The following NRXN3 variants were observed in gnomAD, a reference collection of about 807,000 sequenced individuals.
NRXN3 encodes neurexin III.
A neutral mutation model predicts 137.6 loss-of-function variants in NRXN3; 32 were observed. The ratio of observed to expected loss-of-function variants is 0.23; its 90% CI spans 0.18 to 0.31. The LOEUF (loss-of-function observed/expected upper bound fraction) is 0.31, where lower values mean the gene tolerates loss of function less well. NRXN3 is among the 10% of genes least tolerant of loss of function. NRXN3 has a pLI of 1.00. For missense variants in NRXN3, 1,574 were observed against 2,062.5 expected, an observed-to-expected ratio of 0.76 and a Z score of 4.59; for synonymous variants, 798 against 784.5, an observed-to-expected ratio of 1.02 and a Z score of -0.29.
intron 20 of NRXN3, among the ~76,000 whole-genome samples, chr14:79,811,093 T>C (rs995246949): frequency 1.8e-4 from 27 of 152,214 alleles, no homozygotes; most frequent in Non-Finnish European, 2.9e-4. Context: ...TGTTAAAATT[T>C]CATTAGTCAA....
chr14:78,254,772 C>G (rs2069248108), intron 2 of NRXN3, among the ~76,000 whole-genome samples: 1 of 151,872 alleles, frequency 6.6e-6, no homozygotes, highest in African/African-American at 2.4e-5. Context: ...ATCATGGTAG[C>G]CAGAGTCAGA....
chr14:79,759,660 A>G (rs2099031709), intron 19 of NRXN3, among the ~76,000 whole-genome samples: 1 of 151,664 alleles, frequency 6.6e-6, no homozygotes, highest in Non-Finnish European at 1.5e-5. Context: ...TTAAACTGTT[A>G]CTTCAAAGCA....
At chr14:79,101,037 GAAAGCAAGTAC>G (rs2051190968) in intron 15 of NRXN3, among the ~76,000 whole-genome samples, 1 of 152,132 alleles carries the variant, frequency 6.6e-6, no homozygotes, top group Non-Finnish European at 1.5e-5. Context: ...GGGCAGATAA[GAAAGCAAGTAC>G]AAAGCAAACT....
At chr14:79,651,995 G>A (rs2098478546) in intron 16 of NRXN3, among the ~76,000 whole-genome samples, 1 of 152,164 alleles carries the variant, frequency 6.6e-6, no homozygotes, top group Non-Finnish European at 1.5e-5. Context: ...TGAAGACTCA[G>A]GATTCCACTG....
intron 4 of NRXN3, among the ~76,000 whole-genome samples, chr14:78,542,766 G>A (rs951000746): frequency 6.6e-6 from 1 of 152,164 alleles, no homozygotes; most frequent in Non-Finnish European, 1.5e-5. Flanking sequence ...CCCATCTTCT[G>A]CATCGATCAC....
At chr14:79,785,691 C>G (rs1441026174) in intron 19 of NRXN3, among the ~76,000 whole-genome samples, 3 of 152,086 alleles carry the variant, frequency 2.0e-5, no homozygotes. Flanking sequence ...TGGGCCACTT[C>G]ATATGGCTTT....
intron 15 of NRXN3, among the ~76,000 whole-genome samples, chr14:79,422,036 T>C (rs2153534438): frequency 6.6e-6 from 1 of 152,218 alleles, no homozygotes; most frequent in South Asian, 2.1e-4. Flanking sequence ...AAGTTACATG[T>C]AGAGTGAGGA....
intron 16 of NRXN3, among the ~76,000 whole-genome samples, chr14:79,526,699 C>G (rs1453079878): frequency 6.6e-6 from 1 of 152,100 alleles, no homozygotes; most frequent in Non-Finnish European, 1.5e-5. Context: ...AGAGTTTAGA[C>G]TCTAATGAGG....
intron 15 of NRXN3, among the ~76,000 whole-genome samples, chr14:79,371,251 T>C (rs2094100612): frequency 6.6e-6 from 1 of 152,150 alleles, no homozygotes; most frequent in Non-Finnish European, 1.5e-5. Context: ...TTGTAAGGAA[T>C]AAATTACTAA....
chr14:78,340,588 C>G (rs1316124619), intron 4 of NRXN3, among the ~76,000 whole-genome samples: 1 of 152,106 alleles, frequency 6.6e-6, no homozygotes. Context: ...CCTTGGTTCT[C>G]CTCCATGTGG....
intron 4 of NRXN3, among the ~76,000 whole-genome samples, chr14:78,523,098 C>A (rs916192178): frequency 6.6e-6 from 1 of 152,184 alleles, no homozygotes; most frequent in Non-Finnish European, 1.5e-5. Flanking sequence ...TAATCACATA[C>A]CATGACAATA....
chr14:79,368,097 A>T (rs2093962417), intron 15 of NRXN3, among the ~76,000 whole-genome samples: 1 of 152,152 alleles, frequency 6.6e-6, no homozygotes, highest in Admixed American at 6.5e-5. Flanking sequence ...CATGATACTG[A>T]CTTTGTCAAT....
chr14:79,548,760 A>C (rs200370795), intron 16 of NRXN3, among the ~76,000 whole-genome samples: 1 of 149,808 alleles, frequency 6.7e-6, no homozygotes, highest in Non-Finnish European at 1.5e-5. Flanking sequence ...AAAAAAAAAA[A>C]ACAAAAAAAA....
intron 16 of NRXN3, among the ~76,000 whole-genome samples, chr14:79,640,200 A>G (rs2098425586): frequency 7.4e-6 from 1 of 135,680 alleles, no homozygotes; most frequent in Non-Finnish European, 1.7e-5. Context: ...CAATAAATCC[A>G]GTTGTGGGGT....
intron 6 of NRXN3, among the ~76,000 whole-genome samples, chr14:78,655,044 T>C (rs555887260): frequency 5.9e-5 from 9 of 152,204 alleles, no homozygotes; most frequent in African/African-American, 2.2e-4. Flanking sequence ...AGTTCCTCTA[T>C]GAAAAATGGG....
intron 16 of NRXN3, among the ~76,000 whole-genome samples, chr14:79,626,021 A>G (rs2098278257): frequency 6.6e-6 from 1 of 152,244 alleles, no homozygotes; most frequent in Non-Finnish European, 1.5e-5. Context: ...TAGCCTCTGT[A>G]GGTATAAACA....
chr14:79,162,620 A>G (rs1416105150), intron 15 of NRXN3, among the ~76,000 whole-genome samples: 1 of 151,964 alleles, frequency 6.6e-6, no homozygotes, highest in Non-Finnish European at 1.5e-5. Context: ...ACTGGCCATC[A>G]GAGAAATGCA....
intron 10 of NRXN3, among the ~76,000 whole-genome samples, chr14:78,825,526 A>G (rs1228390261): frequency 2.0e-5 from 3 of 152,196 alleles, no homozygotes; most frequent in Non-Finnish European, 2.9e-5. Context: ...TCCCAACCAT[A>G]TGTTTTCCAT....
intron 20 of NRXN3, among the ~76,000 whole-genome samples, chr14:79,819,553 C>T (rs2099264469): frequency 1.5e-5 from 2 of 135,058 alleles, no homozygotes; most frequent in African/African-American, 5.9e-5. Context: ...GGCACAATCT[C>T]GGCTCACTAC....
Sources: allele counts gnomAD v4.1 joint callset (sites outside exome capture counted in the v4.1 genomes callset), GRCh38; gene constraint gnomAD v4.1.1; transcripts MANE v1.5; gene names NCBI Gene and HGNC (gene_info 2026-07-23, HGNC 2026-07-21).